The following SLC4A4 variants were observed in gnomAD, a reference collection of about 807,000 sequenced individuals.
SLC4A4 encodes electrogenic sodium bicarbonate cotransporter 1.
Under a neutral mutation model 111.5 loss-of-function variants are expected in SLC4A4, and 27 were observed. The ratio of observed to expected loss-of-function variants is 0.24; its 90% confidence interval spans 0.18 to 0.33. SLC4A4 has a LOEUF of 0.33. Among genes scored for constraint, SLC4A4 ranks in the 10% least tolerant of loss-of-function variants. SLC4A4 has a pLI of 1.00. For synonymous variants in SLC4A4, 443 were observed against 463.4 expected (o/e 0.96, Z 0.57); for missense variants, 909 against 1,315.5 (o/e 0.69, Z 4.78).
At chr4:71,219,800 C>T (rs554816971) in intron 1 of SLC4A4, among the ~76,000 whole-genome samples, 44 of 152,156 alleles carry the variant, frequency 2.9e-4, no homozygotes, top group African/African-American at 9.2e-4. Context: ...TTCATTACTT[C>T]GATGGAGAAA....
chr4:71,157,471 A>AT (rs1438717554), intron 2 of SLC4A4, among the ~76,000 whole-genome samples: 2 of 152,166 alleles, frequency 1.3e-5, no homozygotes, highest in Non-Finnish European at 2.9e-5. Context: ...AAATTTTAAG[A>AT]TTTTTTATGT....
At chr4:71,065,398 T>C (rs1741492456) in intron 1 of SLC4A4, among the ~76,000 whole-genome samples, 1 of 139,634 alleles carries the variant, frequency 7.2e-6, no homozygotes, top group Non-Finnish European at 1.7e-5. Flanking sequence ...TTGTGAATTA[T>C]TGGGCCATAT....
intron 7 of SLC4A4, among the ~76,000 whole-genome samples, chr4:71,399,568 G>A (rs1720167972): frequency 6.7e-6 from 1 of 149,250 alleles, no homozygotes; most frequent in Non-Finnish European, 1.5e-5. Flanking sequence ...TAGAAAAGCT[G>A]TTGGAATTGA....
intron 3 of SLC4A4, among the ~76,000 whole-genome samples, chr4:71,298,116 A>G (rs1724955142): frequency 3.3e-5 from 5 of 152,198 alleles, no homozygotes; most frequent in African/African-American, 1.2e-4. Flanking sequence ...CATTTTGTGA[A>G]CCATAAACTG....
intron 3 of SLC4A4, among the ~76,000 whole-genome samples, chr4:71,312,564 C>T (rs1726291070): frequency 6.6e-6 from 1 of 152,160 alleles, no homozygotes; most frequent in Non-Finnish European, 1.5e-5. Context: ...CATCAAAAAG[C>T]TCATCCACCA....
At chr4:71,425,615 G>C (rs1429453104) in intron 7 of SLC4A4, among the ~76,000 whole-genome samples, 1 of 152,098 alleles carries the variant, frequency 6.6e-6, no homozygotes, top group Non-Finnish European at 1.5e-5. Context: ...ATTTTAGAGA[G>C]ATGCAAGACA....
intron 2 of SLC4A4, among the ~76,000 whole-genome samples, chr4:71,249,382 A>C (rs931562666): frequency 2.0e-5 from 3 of 152,092 alleles, no homozygotes; most frequent in Admixed American, 1.3e-4. Flanking sequence ...AATAGAAATC[A>C]TCCCTTGTTC....
chr4:71,201,441 G>A (rs1448906493), intron 1 of SLC4A4, among the ~76,000 whole-genome samples: 1 of 152,212 alleles, frequency 6.6e-6, no homozygotes, highest in African/African-American at 2.4e-5. Context: ...CACTCCACCA[G>A]CTGGGGAAGC....
At chr4:71,477,887 T>C (rs1261467242) in intron 14 of SLC4A4, among the ~76,000 whole-genome samples, 4 of 151,642 alleles carry the variant, frequency 2.6e-5, no homozygotes. Flanking sequence ...AAGGCTAATA[T>C]CCAGAATCTA....
intron 2 of SLC4A4, among the ~76,000 whole-genome samples, chr4:71,139,572 A>G (rs990579107): frequency 2.0e-5 from 3 of 152,192 alleles, no homozygotes; most frequent in Non-Finnish European, 2.9e-5. Context: ...GGCGATTTTC[A>G]GCATGCCCCA....
chr4:71,252,686 C>G (rs879033530), intron 2 of SLC4A4, among the ~76,000 whole-genome samples: 1 of 152,068 alleles, frequency 6.6e-6, no homozygotes, highest in South Asian at 2.1e-4. Flanking sequence ...ATGGTAGCTT[C>G]GCAGAGGCCA....
intron 1 of SLC4A4, among the ~76,000 whole-genome samples, chr4:71,211,115 G>A (rs745946810): frequency 2.0e-5 from 3 of 152,134 alleles, no homozygotes; most frequent in African/African-American, 2.4e-5. Context: ...AAATAATATC[G>A]TTGTATGACA....
intron 3 of SLC4A4, among the ~76,000 whole-genome samples, chr4:71,321,130 A>G (rs1727086705): frequency 6.6e-6 from 1 of 152,024 alleles, no homozygotes; most frequent in South Asian, 2.1e-4. Flanking sequence ...GAAAATTAAT[A>G]TCCTTAGCCA....
chr4:71,081,752 G>A (rs1741999811), intron 1 of SLC4A4, among the ~76,000 whole-genome samples: 1 of 152,066 alleles, frequency 6.6e-6, no homozygotes, highest in South Asian at 2.1e-4. Flanking sequence ...CTAGGACTTT[G>A]CTACCACCGG....
intron 17 of SLC4A4, 52 bp downstream of exon 17, chr4:71,532,227 C>G: frequency 9.6e-7 from 1 of 1,037,378 alleles, no homozygotes; most frequent in Non-Finnish European, 1.5e-6. Context: ...TTCTTTCTTT[C>G]CCCCTATTCT....
intron 2 of SLC4A4, among the ~76,000 whole-genome samples, chr4:71,101,014 C>T (rs531765262): frequency 2.0e-5 from 3 of 152,168 alleles, no homozygotes; most frequent in Non-Finnish European, 4.4e-5. Flanking sequence ...AATCCCAGCA[C>T]TTTGGGAGGC....
intron 2 of SLC4A4, among the ~76,000 whole-genome samples, chr4:71,098,096 G>T (rs1742611964): frequency 6.6e-6 from 1 of 152,220 alleles, no homozygotes; most frequent in African/African-American, 2.4e-5. Flanking sequence ...TGAAGTATTT[G>T]CCTGTTCCTA....
rs34495804 is a variant in SLC4A4 at position 71,142,761 on chromosome 4, CTTTTTTTTT to C, written c.-2+49985_-2+49993del. ...TCCAAAGGCACAAACTTTTCTCACT[CTTTTTTTTT>C]TTTTTTTTTTTTTTTAGCTTTCTAC... On this transcript the variant is annotated intron_variant, in intron 2 of 26. Transcript: ENST00000649996. 6.4e-5 allele frequency among the ~76,000 whole-genome samples: 5 copies of C among 78,038 alleles called. No homozygotes were observed. In the East Asian group the frequency reaches 2.0e-3, roughly 31 times the overall value. The allele number at this position is 78,038 out of a possible 152,430, so 51.2% of individuals were successfully genotyped here.
At chr4:71,276,992 C>T (rs1340866951) in intron 3 of SLC4A4, among the ~76,000 whole-genome samples, 1 of 152,078 alleles carries the variant, frequency 6.6e-6, no homozygotes, top group African/African-American at 2.4e-5. Context: ...TGTAGTGAGC[C>T]AAGATTGTGC....
Sources: gnomAD v4.1 joint callset for allele counts (sites outside exome capture counted in the v4.1 genomes callset) on GRCh38, gnomAD v4.1.1 for gene constraint, MANE v1.5 for transcripts, NCBI Gene and HGNC (gene_info 2026-07-23, HGNC 2026-07-21) for gene names.